Variants in SAMMSON observed in about 807,000 individuals in gnomAD.
SAMMSON encodes long intergenic non-protein coding RNA 1212.
chr3:70,243,081 A>G (rs1027794753), intron 4 of SAMMSON, among the ~76,000 whole-genome samples: 1 of 152,098 alleles, frequency 6.6e-6, no homozygotes, highest in Non-Finnish European at 1.5e-5. Context: ...AGGTGGAGGA[A>G]TCTGTTTTAT....
At chr3:70,292,623 C>G (rs1702249451) in intron 7 of SAMMSON, among the ~76,000 whole-genome samples, 1 of 152,034 alleles carries the variant, frequency 6.6e-6, no homozygotes, top group Admixed American at 6.6e-5. Flanking sequence ...GAGTTTTTCT[C>G]TATGAAAAAT....
At chr3:70,245,713 A>G (rs1701700877) in intron 4 of SAMMSON, among the ~76,000 whole-genome samples, 1 of 138,126 alleles carries the variant, frequency 7.2e-6, no homozygotes, top group Non-Finnish European at 1.6e-5. Context: ...ATATATATAT[A>G]TACACATTCA....
chr3:70,222,835 A>T (rs544073036), intron 4 of SAMMSON, among the ~76,000 whole-genome samples: 4 of 152,304 alleles, frequency 2.6e-5, no homozygotes, highest in African/African-American at 9.6e-5. Flanking sequence ...TCATTAGAAG[A>T]TACTGCTGAT....
At chr3:70,407,068 C>A (rs999135924) in intron 2 of SAMMSON, among the ~76,000 whole-genome samples, 1 of 152,064 alleles carries the variant, frequency 6.6e-6, no homozygotes, top group African/African-American at 2.4e-5. Flanking sequence ...AAGGGAAAAC[C>A]CTGATATAAC....
intron 4 of SAMMSON, among the ~76,000 whole-genome samples, chr3:70,216,917 C>T (rs1278942876): frequency 6.6e-6 from 1 of 152,114 alleles, no homozygotes; most frequent in African/African-American, 2.4e-5. Context: ...ACAGGGACCC[C>T]TTCCCCTCAC....
chr3:70,001,551 GC>G (rs1036081202), intron 1 of SAMMSON, among the ~76,000 whole-genome samples: 3 of 151,262 alleles, frequency 2.0e-5, no homozygotes, highest in African/African-American at 7.3e-5. Flanking sequence ...CTATGTGTAC[GC>G]TTTTTGGTTT....
intron 4 of SAMMSON, among the ~76,000 whole-genome samples, chr3:70,186,288 G>A (rs905293918): frequency 1.4e-5 from 2 of 144,406 alleles, no homozygotes; most frequent in Non-Finnish European, 3.0e-5. Flanking sequence ...TAGACAAATT[G>A]TGCTCTGTTA....
At chr3:70,035,219 C>T (rs1014741858) in intron 3 of SAMMSON, among the ~76,000 whole-genome samples, 16 of 152,146 alleles carry the variant, frequency 1.1e-4, no homozygotes, top group African/African-American at 3.9e-4. Flanking sequence ...AGGACTGCCT[C>T]AGCCCTATTC....
At chr3:70,163,018 A>G (rs2067622232) in intron 4 of SAMMSON, among the ~76,000 whole-genome samples, 1 of 151,082 alleles carries the variant, frequency 6.6e-6, no homozygotes, top group South Asian at 2.1e-4. Context: ...TTTACTTTTA[A>G]TCTTATTTTA....
rs1399213434 is a variant in SAMMSON, at chr3:70,149,020, C to T, written n.507+77455C>T. 3.9e-5 allele frequency among the ~76,000 whole-genome samples: 6 copies of T among 152,018 alleles called. No homozygotes were observed. The East Asian group carries it at 9.7e-4, about 24-fold the overall frequency. ...GGCTAAGTTGTGCAGCACATTGCGT[C>T]GCTCACAAAGAACAAGTTCCATCAA... On this transcript the variant is annotated intron_variant and non_coding_transcript_variant, in intron 4 of 9. Coordinates refer to ENST00000642114, the Ensembl canonical transcript of SAMMSON.
chr3:70,107,080 A>G (rs1011729504), intron 4 of SAMMSON, among the ~76,000 whole-genome samples: 1 of 152,214 alleles, frequency 6.6e-6, no homozygotes, highest in Non-Finnish European at 1.5e-5. Flanking sequence ...AATGTTGAAT[A>G]AGGCATAAAT....
At chr3:70,080,701 T>C (rs2067264802) in intron 4 of SAMMSON, among the ~76,000 whole-genome samples, 1 of 152,120 alleles carries the variant, frequency 6.6e-6, no homozygotes, top group Non-Finnish European at 1.5e-5. Context: ...CGTTTTTTTT[T>C]TTTTAACCAA....
chr3:70,391,712 G>C (rs1216673245), downstream of SAMMSON, among the ~76,000 whole-genome samples: 1 of 152,058 alleles, frequency 6.6e-6, no homozygotes, highest in Non-Finnish European at 1.5e-5. Flanking sequence ...AGACTCATTT[G>C]TTTCAATCTC....
At chr3:70,023,164 A>G (rs1016628625) in intron 3 of SAMMSON, among the ~76,000 whole-genome samples, 2 of 152,084 alleles carry the variant, frequency 1.3e-5, no homozygotes, top group South Asian at 2.1e-4. Context: ...GGAATCTTAT[A>G]TGTTTCTTTA....
rs1181755507 is a variant in SAMMSON at position 70,399,669 on chromosome 3, C to G, written n.233+41345C>G. 5.9e-5 allele frequency among the ~76,000 whole-genome samples: 9 copies of G among 152,102 alleles called. No individual in the cohort carries two copies. In the East Asian group the frequency reaches 1.8e-3, roughly 30 times the overall value. The stretch of plus-strand genomic sequence containing the variant: ...TCACCTGAGGTCAGGAGTTTGAGAC[C>G]AGCCTGGCCAACATGGTGAAACCCC... On this transcript the variant is annotated intron_variant and non_coding_transcript_variant, in intron 2 of 3. Transcript: ENST00000641053.
At chr3:70,255,448 G>C (rs1456504260) in intron 6 of SAMMSON, among the ~76,000 whole-genome samples, 1 of 152,040 alleles carries the variant, frequency 6.6e-6, no homozygotes, top group Admixed American at 6.6e-5. Context: ...CTTTATTTTA[G>C]AGACAGAATC....
intron 4 of SAMMSON, among the ~76,000 whole-genome samples, chr3:70,238,291 G>A (rs894952662): frequency 6.6e-6 from 1 of 151,914 alleles, no homozygotes; most frequent in South Asian, 2.1e-4. Context: ...GGTAGACAGA[G>A]CCATTTTTCT....
At chr3:70,066,825 C>T (rs989046557) in intron 3 of SAMMSON, among the ~76,000 whole-genome samples, 2 of 152,088 alleles carry the variant, frequency 1.3e-5, no homozygotes, top group African/African-American at 4.8e-5. Context: ...GATCCTGGCA[C>T]GAAGAAAACC....
At chr3:70,073,075 C>T (rs2067236069) in intron 4 of SAMMSON, among the ~76,000 whole-genome samples, 3 of 151,958 alleles carry the variant, frequency 2.0e-5, no homozygotes, top group Admixed American at 2.0e-4. Context: ...CGGAAGAACC[C>T]TACTCTTTGT....
Sources: allele counts gnomAD v4.1 joint callset (sites outside exome capture counted in the v4.1 genomes callset), GRCh38; gene constraint gnomAD v4.1.1; transcripts MANE v1.5; gene names NCBI Gene and HGNC (gene_info 2026-07-23, HGNC 2026-07-21).